Variants in TAF5 observed in about 807,000 individuals in gnomAD.
TAF5 encodes the protein transcription initiation factor TFIID subunit 5.
Under a neutral mutation model 80.9 loss-of-function variants are expected in TAF5, and 20 were observed. That is an observed-to-expected ratio of 0.25 (90% CI 0.17 to 0.36). The LOEUF (loss-of-function observed/expected upper bound fraction) is 0.36, where lower values mean the gene tolerates loss of function less well. Among genes scored for constraint, TAF5 ranks in the 10% least tolerant of loss-of-function variants. The probability of loss-of-function intolerance (pLI) is 1.00; values close to 1 mark genes in which losing one functional copy is unlikely to be tolerated. For missense variants in TAF5, 863 were observed against 1,029.4 expected, an observed-to-expected ratio of 0.84 and a Z score of 2.21; for synonymous variants, 388 against 406.4, an observed-to-expected ratio of 0.95 and a Z score of 0.55.
intron 1 of TAF5, among the ~76,000 whole-genome samples, chr10:103,373,123 C>A (rs1422428499): frequency 6.8e-6 from 1 of 146,888 alleles, no homozygotes; most frequent in Non-Finnish European, 1.5e-5. Context: ...CACTCGCCTG[C>A]GAGGTGGAGG....
At position 103,385,368 on chromosome 10, in the gene TAF5, G is replaced by C; in HGVS notation, c.1707G>C (p.Leu569Phe). 6.2e-7 allele frequency: 1 copy of C among 1,613,878 alleles called. No individual in the cohort carries two copies. Among genetic ancestry groups the C allele is most frequent in the Non-Finnish European group, 8.5e-7 (1 of 1,179,826 alleles). Reference protein sequence around the residue: ...LSSSEDGTVRLWSLQTFTCLV... With the variant: ...LSSSEDGTVRFWSLQTFTCLV... The stretch of plus-strand genomic sequence containing the variant: ...CTTCAGAGGACGGAACTGTTAGATT[G>C]TGGAGCCTTCAAACATTTACTTGTT... Residue 569 changes from leucine (L) to phenylalanine (F), a missense_variant, in exon 8 of 11, where the codon TTG becomes TTC. Around this residue, in one of 3 missense-constraint regions of TAF5, gnomAD observed 368 missense variants for 461.7 expected, o/e 0.80. Transcript: ENST00000369839.
chr10:103,375,740 A>G (rs2093368789), intron 2 of TAF5, among the ~76,000 whole-genome samples: 1 of 152,116 alleles, frequency 6.6e-6, no homozygotes, highest in Admixed American at 6.6e-5. Flanking sequence ...GCTGAGTTAT[A>G]GAAGCCAAGG....
intron 1 of TAF5, among the ~76,000 whole-genome samples, chr10:103,369,488 A>G (rs1472245136): frequency 6.6e-6 from 1 of 151,726 alleles, no homozygotes; most frequent in Non-Finnish European, 1.5e-5. Flanking sequence ...CCTCCCGAAT[A>G]GGTGGGACTA....
At position 103,373,461 on chromosome 10, in the gene TAF5, G is replaced by A; in HGVS notation, c.663G>A (p.Leu221=). 3.7e-6 allele frequency: 6 copies of A among 1,614,200 alleles called. No homozygotes were observed. The highest frequency in any genetic ancestry group is 5.1e-6 in the Non-Finnish European group (6 of 1,180,032). The change falls in exon 2 of 11, where the codon CTG becomes CTA. Residue 221 remains leucine (L), a synonymous_variant. Transcript: ENST00000369839. Reference sequence around the variant, plus strand: ...TGTATGAAGAATACTATAGTGGACTGAAACACTTCATTGAATGTTCCCTGG... The same window carrying A: ...TGTATGAAGAATACTATAGTGGACTAAAACACTTCATTGAATGTTCCCTGG... ...PTMYEEYYSG[L]KHFIECSLDC...
rs745412453 is a variant in TAF5, at chr10:103,378,477, G to A, written c.1040G>A (p.Arg347His). ...ATTGACATCTTTGATGGGATGCCGC[G>A]TAGTAAGCAACAGATAGATGCGATG... ...LYIDIFDGMP[R>H]SKQQIDAMVG... is the part of the protein sequence containing the mutation. Residue 347 changes from arginine to histidine, a missense_variant, in exon 3 of 11, where the codon CGT becomes CAT. This residue lies in a region of TAF5 where 128 missense variants were observed against 232.2 expected (regional missense o/e 0.55). Coordinates refer to ENST00000369839, the MANE Select transcript of TAF5 (RefSeq NM_006951.5). The surrounding 1 kb of genome is among the most constrained non-coding windows in gnomAD (Gnocchi z 4.1). 12 of 1,614,022 alleles carry A rather than the reference G, an allele frequency of 7.4e-6. No homozygotes were observed. The highest frequency in any genetic ancestry group is 1.3e-5 in the African/African-American group (1 of 74,918).
At chr10:103,385,925 C>CA (rs761128565) in intron 8 of TAF5, among the ~76,000 whole-genome samples, 1,283 of 41,088 alleles carry the variant, frequency 0.031, 171 homozygotes, top group African/African-American at 0.11. Flanking sequence ...GACTTCATCT[C>CA]AAAAAAAAAA....
rs117039336 is a variant in TAF5, at chr10:103,378,121, A to T, written c.798-114A>T. 1.6e-3 allele frequency: 1,341 copies of T among 852,940 alleles called. 21 individuals are homozygous for T. In the East Asian group the frequency reaches 0.031, roughly 19 times the overall value. The allele number at this position is 852,940 out of a possible 1,614,324, so 52.8% of individuals were successfully genotyped here. ...TTCTTATCCTACAGCTTAGTTCAGG[A>T]TTATTTAGACTACTACATTGAAAAT... On this transcript the variant is annotated intron_variant, in intron 2 of 10. Coordinates refer to ENST00000369839, the MANE Select transcript of TAF5 (RefSeq NM_006951.5). This position sits in a 1 kb window ranked among gnomAD's most constrained non-coding sequence, Gnocchi z 4.1.
chr10:103,388,056 G>A lies in TAF5; in HGVS notation c.2236G>A (p.Asp746Asn), dbSNP rs2093401849. The A allele has an allele frequency of 6.2e-7, 1 of 1,613,974 alleles. No individual in the cohort carries two copies. The highest frequency in any genetic ancestry group is 8.5e-7 in the Non-Finnish European group (1 of 1,179,978). Residue 746 changes from aspartate to asparagine, a missense_variant, in exon 11 of 11, where the codon GAT becomes AAT. Asp to Asn is a conservative substitution (Grantham distance 23, BLOSUM62 1). This residue lies in a region of TAF5 where 368 missense variants were observed against 461.7 expected (regional missense o/e 0.80). Transcript: ENST00000369839. ...ATGGGATGCTATCAAAGCCTTTGAA[G>A]ATTTAGAGACCGATGACTTTACTAC... Reference protein sequence around the residue: ...RLWDAIKAFEDLETDDFTTAT... With the variant: ...RLWDAIKAFENLETDDFTTAT...
chr10:103,373,277 AC>A, intron 1 of TAF5, 80 bp from the exon 2 acceptor site: 8 of 1,066,512 alleles, frequency 7.5e-6, no homozygotes, highest in Non-Finnish European at 1.1e-5. Context: ...GAAACAACTC[AC>A]CTGTGGGCTT....
chr10:103,379,598 T>G lies in TAF5; in HGVS notation c.1114-10T>G. ...ATAATTTTAAAAATGTTGGCTCTTT[T>G]GACTTGTAGGTATTTTTTGGTTTAT... On this transcript the variant is annotated splice_polypyrimidine_tract_variant and intron_variant, in intron 3 of 10. Coordinates refer to ENST00000369839, the MANE Select transcript of TAF5 (RefSeq NM_006951.5). 6.4e-7 allele frequency: 1 copy of G among 1,568,886 alleles called. No homozygotes were observed. Among genetic ancestry groups the G allele is most frequent in the Non-Finnish European group, 8.6e-7 (1 of 1,166,798 alleles).
intron 1 of TAF5, among the ~76,000 whole-genome samples, chr10:103,368,949 C>T (rs968659069): frequency 8.6e-5 from 13 of 151,836 alleles, no homozygotes; most frequent in Non-Finnish European, 2.9e-5. Flanking sequence ...TCTTTAGTTC[C>T]TCTTAAAAGA....
intron 5 of TAF5, 97 bp downstream of exon 5, chr10:103,380,116 T>C: frequency 7.1e-7 from 1 of 1,401,596 alleles, no homozygotes; most frequent in Non-Finnish European, 9.5e-7. Context: ...AAATGGAGTT[T>C]CGTTATTTAA....
At chr10:103,384,802 A>G (rs2093391786) in intron 7 of TAF5, among the ~76,000 whole-genome samples, 4 of 152,148 alleles carry the variant, frequency 2.6e-5, no homozygotes, top group Admixed American at 2.6e-4. Flanking sequence ...CTGACTATCA[A>G]TCTTTTGTGT....
rs1460410009 is a variant in TAF5, at chr10:103,374,160, G to T, written c.797+565G>T. 2.0e-5 allele frequency among the ~76,000 whole-genome samples: 3 copies of T among 152,138 alleles called. No individual in the cohort carries two copies. The highest frequency in any genetic ancestry group is 7.2e-5 in the African/African-American group (3 of 41,430). On this transcript the variant is annotated intron_variant, in intron 2 of 10. Transcript: ENST00000369839. This position sits in a 1 kb window ranked among gnomAD's most constrained non-coding sequence, Gnocchi z 4.3. The stretch of plus-strand genomic sequence containing the variant: ...AGTCACTGAAAACTCATCAACAATG[G>T]CATAAATAAAAGTTTATTTTTGCCT...
chr10:103,370,696 C>T (rs558003442), intron 1 of TAF5, among the ~76,000 whole-genome samples: 1 of 152,152 alleles, frequency 6.6e-6, no homozygotes, highest in East Asian at 1.9e-4. Flanking sequence ...TGTGTATGTA[C>T]CTGAAACCTG....
chr10:103,381,617 A>T (rs1308110123), intron 5 of TAF5, 104 bp from the exon 6 acceptor site: 16 of 1,250,422 alleles, frequency 1.3e-5, no homozygotes, highest in Non-Finnish European at 1.5e-5. Flanking sequence ...CTTAAAATAG[A>T]GGATTGAGGA....
At position 103,368,055 on chromosome 10, in the gene TAF5, G is replaced by T; in HGVS notation, c.66G>T (p.Thr22=). 1 of 1,437,710 alleles carries T rather than the reference G, an allele frequency of 7.0e-7. No homozygotes were observed. 89.1% of individuals were successfully genotyped at this position (1,437,710 alleles called of 1,614,324 possible). A position where few individuals can be genotyped will look rare whatever the true frequency, so the allele number is the denominator to read the frequency against. ...AVKLEPEGPP[T]LLPPQAGDGA... ...AGCTAGAGCCTGAGGGACCGCCAAC[G>T]CTGCTACCTCCGCAGGCGGGGGACG... is the stretch of plus-strand genomic sequence containing the variant. Residue 22 remains threonine, a synonymous_variant, in exon 1 of 11, where the codon ACG becomes ACT. Coordinates refer to ENST00000369839, the MANE Select transcript of TAF5 (RefSeq NM_006951.5).
chr10:103,384,637 A>C (rs1406272216), intron 7 of TAF5, among the ~76,000 whole-genome samples: 1 of 152,234 alleles, frequency 6.6e-6, no homozygotes, highest in Admixed American at 6.5e-5. Context: ...ATCTCAAAAA[A>C]AGAAGAAAAG....
chr10:103,371,941 GT>G (rs201273075), intron 1 of TAF5, among the ~76,000 whole-genome samples: 96 of 143,284 alleles, frequency 6.7e-4, no homozygotes, highest in South Asian at 4.2e-3. Context: ...CCTTGTTATT[GT>G]TTTTTTTTTT....
Sources: allele counts gnomAD v4.1 joint callset (sites outside exome capture counted in the v4.1 genomes callset), GRCh38; gene constraint gnomAD v4.1.1; regional missense constraint gnomAD v4.1.1; non-coding constraint Gnocchi (gnomAD v3.1); transcripts MANE v1.5; gene names NCBI Gene and HGNC (gene_info 2026-07-23, HGNC 2026-07-21).